The following OCA2 variants were observed in gnomAD, a reference collection of about 807,000 sequenced individuals.
The protein encoded by OCA2 is P protein.
A neutral mutation model predicts 100.2 loss-of-function variants in OCA2; 77 were observed. The observed-to-expected ratio is 0.77, with a 90% CI of 0.64 to 0.93. The LOEUF is 0.93. Among genes scored for constraint, OCA2 ranks in the 40% least tolerant of loss-of-function variants. The pLI is 0.00. For synonymous variants in OCA2, 432 were observed against 439.2 expected (o/e 0.98, Z 0.21); for missense variants, 1,062 against 1,089.1 (o/e 0.98, Z 0.35).
In OCA2 at chr15:28,033,309, T is replaced by G. The variant is rs180759495; in HGVS notation, c.228-1146A>C. Among the ~76,000 whole-genome samples the G allele has an allele frequency of 4.6e-5, 7 of 152,372 alleles. No homozygotes were observed. The East Asian group carries it at 1.3e-3, about 29-fold the overall frequency. ...TACAGGATCCCAGGCCAGGTAGAGATGCTGTAGATGCTATGAAACATTCAC... is the reference window on the plus strand; with the variant it reads ...TACAGGATCCCAGGCCAGGTAGAGAGGCTGTAGATGCTATGAAACATTCAC... On this transcript the variant is annotated intron_variant, in intron 2 of 23. Transcript: ENST00000354638.
intron 19 of OCA2, among the ~76,000 whole-genome samples, chr15:27,901,606 G>T (rs1354274465): frequency 6.6e-6 from 1 of 152,130 alleles, no homozygotes; most frequent in South Asian, 2.1e-4. Flanking sequence ...TCGCAAGGAG[G>T]GTGGAAAATA....
intron 19 of OCA2, among the ~76,000 whole-genome samples, chr15:27,924,624 G>A (rs1350628238): frequency 6.6e-6 from 1 of 152,022 alleles, no homozygotes; most frequent in African/African-American, 2.4e-5. Context: ...AAACTAAGAT[G>A]TACAGTTTAA....
At chr15:27,954,116 T>TACACAC (rs200633980) in intron 17 of OCA2, among the ~76,000 whole-genome samples, 2,016 of 46,434 alleles carry the variant, frequency 0.043, 62 homozygotes, top group African/African-American at 0.066. Context: ...TTCCATGGCA[T>TACACAC]ACACACACAC....
At chr15:27,913,456 A>G (rs1277528996) in intron 19 of OCA2, among the ~76,000 whole-genome samples, 2 of 152,136 alleles carry the variant, frequency 1.3e-5, no homozygotes, top group Non-Finnish European at 2.9e-5. Flanking sequence ...TCAAATTATT[A>G]TAATCCAAAA....
intron 19 of OCA2, among the ~76,000 whole-genome samples, chr15:27,909,089 A>G (rs2038287567): frequency 6.6e-6 from 1 of 152,210 alleles, no homozygotes; most frequent in Non-Finnish European, 1.5e-5. Flanking sequence ...ATAAAAACCA[A>G]TGGCCTCTAT....
At chr15:27,864,411 A>G (rs759060447) in intron 21 of OCA2, among the ~76,000 whole-genome samples, 5 of 152,202 alleles carry the variant, frequency 3.3e-5, no homozygotes, top group Non-Finnish European at 7.3e-5. Flanking sequence ...GAGGAGTTAA[A>G]ACAAAAATGA....
At chr15:28,031,987 G>A in intron 3 of OCA2, 78 bp downstream of exon 3, 3 of 1,062,344 alleles carry the variant, frequency 2.8e-6, no homozygotes, top group Non-Finnish European at 4.4e-6. Context: ...AAAAATTCGT[G>A]TCTCAAGTTC....
intron 14 of OCA2, among the ~76,000 whole-genome samples, chr15:27,982,768 A>G (rs2041209993): frequency 6.6e-6 from 1 of 152,224 alleles, no homozygotes; most frequent in Non-Finnish European, 1.5e-5. Flanking sequence ...TCTAATGATC[A>G]AAGAGTAGAG....
At chr15:27,846,009 G>A (rs747941845) in intron 22 of OCA2, among the ~76,000 whole-genome samples, 18 of 152,110 alleles carry the variant, frequency 1.2e-4, no homozygotes, top group African/African-American at 2.4e-4. Context: ...GTGTCAGGTC[G>A]GGAAGTGGCA....
intron 9 of OCA2, among the ~76,000 whole-genome samples, chr15:27,997,225 GAA>G (rs2041777119): frequency 1.7e-5 from 2 of 118,304 alleles, no homozygotes; most frequent in Non-Finnish European, 4.2e-5. Context: ...AGGAAAGAAA[GAA>G]AGGAAGGAAG....
At chr15:27,831,218 C>T (rs1219776711) in intron 23 of OCA2, among the ~76,000 whole-genome samples, 1 of 141,906 alleles carries the variant, frequency 7.0e-6, no homozygotes, top group Admixed American at 7.6e-5. Context: ...CCAGGGAGTC[C>T]GAGGTTGCAG....
chr15:27,966,732 A>G lies in OCA2; in HGVS notation c.1594T>C (p.Trp532Arg), dbSNP rs767726046. 5.0e-6 allele frequency: 8 copies of G among 1,613,888 alleles called. No individual in the cohort carries two copies. The highest frequency in any genetic ancestry group is 6.8e-6 in the Non-Finnish European group (8 of 1,180,018). Residue 532 changes from tryptophan to arginine, a missense_variant, in exon 15 of 24, where the codon TGG becomes CGG. Physicochemically the swap from Trp to Arg is moderately radical, Grantham distance 101 (BLOSUM62 -3). Transcript: ENST00000354638. Reference sequence around the variant, plus strand: ...TCCTTGTTATAAAGCTTTCTGTTCCAGTAAAGGAGTCTGAGGAGCGGAAAG... The same window carrying G: ...TCCTTGTTATAAAGCTTTCTGTTCCGGTAAAGGAGTCTGAGGAGCGGAAAG... ...VCFPLLRLLYWNRKLYNKEPS... is the reference protein window; with the variant it reads ...VCFPLLRLLYRNRKLYNKEPS...
intron 2 of OCA2, among the ~76,000 whole-genome samples, chr15:28,071,069 G>C (rs1000280683): frequency 2.2e-5 from 3 of 136,392 alleles, no homozygotes; most frequent in Non-Finnish European, 4.6e-5. Context: ...AGAGACCTTT[G>C]TTCACTTGTT....
At chr15:28,036,759 G>C (rs903034148) in intron 2 of OCA2, among the ~76,000 whole-genome samples, 20 of 152,138 alleles carry the variant, frequency 1.3e-4, no homozygotes, top group Admixed American at 1.0e-3. Context: ...ACTTCCAAAA[G>C]AATTTACATT....
chr15:27,734,248 TG>T, the OCA2 span, among the ~76,000 whole-genome samples: 3 of 120,770 alleles, frequency 2.5e-5, no homozygotes, highest in Admixed American at 1.1e-4. Flanking sequence ...AACATCAATT[TG>T]AACAACTATC....
At chr15:28,049,377 T>C (rs1311676709) in intron 2 of OCA2, among the ~76,000 whole-genome samples, 1 of 152,172 alleles carries the variant, frequency 6.6e-6, no homozygotes, top group Admixed American at 6.5e-5. Flanking sequence ...CTAGTAATAA[T>C]GCAAAGTGTG....
In OCA2 at chr15:27,896,307, G is replaced by A. The variant is rs184088765; in HGVS notation, c.2080-24385C>T. Reference sequence around the variant, plus strand: ...GCACATCATGGGCCAGAATGTTGCAGATTACATGTGCTACTTAATGGAGGA... The same window carrying A: ...GCACATCATGGGCCAGAATGTTGCAAATTACATGTGCTACTTAATGGAGGA... On this transcript the variant is annotated intron_variant, in intron 19 of 23. Transcript: ENST00000354638. 71 of 964,204 alleles carry A rather than the reference G, an allele frequency of 7.4e-5. No homozygotes were observed. In the East Asian group the frequency reaches 1.6e-3, roughly 22 times the overall value. The allele number at this position is 964,204 out of a possible 1,614,324, so 59.7% of individuals were successfully genotyped here.
chr15:27,814,819 G>A (rs1290489475), intron 23 of OCA2, among the ~76,000 whole-genome samples: 1 of 152,070 alleles, frequency 6.6e-6, no homozygotes, highest in African/African-American at 2.4e-5. Flanking sequence ...GAGGCCAGAG[G>A]TTGCAGTGAG....
downstream of OCA2, among the ~76,000 whole-genome samples, chr15:27,752,249 A>G (rs1269911391): frequency 1.3e-5 from 2 of 152,218 alleles, no homozygotes; most frequent in African/African-American, 2.4e-5. Flanking sequence ...TCAGGACTTT[A>G]TGCACGTGAT....
Sources: allele counts gnomAD v4.1 joint callset (sites outside exome capture counted in the v4.1 genomes callset), GRCh38; gene constraint gnomAD v4.1.1; transcripts MANE v1.5; gene names NCBI Gene and HGNC (gene_info 2026-07-23, HGNC 2026-07-21).